Variants in PRKG1 observed in about 807,000 individuals in gnomAD.
PRKG1 encodes cGMP-dependent protein kinase 1.
Under a neutral mutation model 88.1 loss-of-function variants are expected in PRKG1, and 35 were observed. The observed-to-expected ratio is 0.40, with a 90% confidence interval of 0.30 to 0.53. The LOEUF (loss-of-function observed/expected upper bound fraction) is 0.53. Ranked by LOEUF, PRKG1 falls within the 20% of genes least tolerant of loss-of-function variation. The probability of loss-of-function intolerance (pLI) is 0.59; values close to 1 mark genes in which losing one functional copy is unlikely to be tolerated. For synonymous variants in PRKG1, 303 were observed against 292.5 expected, an observed-to-expected ratio of 1.04 and a Z score of -0.37; for missense variants, 540 against 839.8, an observed-to-expected ratio of 0.64 and a Z score of 4.41.
chr10:51,770,558 A>T (rs1838278252), intron 3 of PRKG1, among the ~76,000 whole-genome samples: 1 of 152,174 alleles, frequency 6.6e-6, no homozygotes, highest in Admixed American at 6.5e-5. Flanking sequence ...TGCACAGAGG[A>T]GGTGAGGGGG....
upstream of PRKG1, chr10:51,074,473 T>C: frequency 6.8e-7 from 1 of 1,472,520 alleles, no homozygotes; most frequent in Non-Finnish European, 9.0e-7. Flanking sequence ...TGGTCTCAAG[T>C]AGGAAGCTTT....
chr10:51,229,199 T>A lies in PRKG1; in HGVS notation c.478+75869T>A, dbSNP rs1187495202. On this transcript the variant is annotated intron_variant, in intron 2 of 17. Transcript: ENST00000373980. The stretch of plus-strand genomic sequence containing the variant: ...TCTCCTCCACTAAAATGTAGAAACC[T>A]GTCAATTTTGTTCAGCAAGGGTCTC... Among the ~76,000 whole-genome samples, 4 of 152,186 alleles carry A rather than the reference T, an allele frequency of 2.6e-5. No individual in the cohort carries two copies. In the East Asian group the frequency reaches 7.7e-4, roughly 29 times the overall value.
rs142748577 is a variant in PRKG1, at chr10:51,786,116, T to A, written c.593-18469T>A. On this transcript the variant is annotated intron_variant, in intron 3 of 17. Transcript: ENST00000373980. ...AGAGTCAATTGTTAGAGATGTGAAGTATCAGAATGGAATAAACAGTATCAA... is the reference window on the plus strand; with the variant it reads ...AGAGTCAATTGTTAGAGATGTGAAGAATCAGAATGGAATAAACAGTATCAA... Among the ~76,000 whole-genome samples, 5 of 152,268 alleles carry A rather than the reference T, an allele frequency of 3.3e-5. 1 individual carries two copies. In the East Asian group the frequency reaches 5.8e-4, roughly 18 times the overall value.
rs570799469 is a variant in PRKG1 at position 52,117,577 on chromosome 10, C to G, written c.936-16263C>G. On this transcript the variant is annotated intron_variant, in intron 7 of 17. Transcript: ENST00000373980. ...TTCAGAAAGAGTAAGACCTCAGCAG[C>G]CTCTCTACTCGGAAATTACTTGTGA... Among the ~76,000 whole-genome samples the G allele has an allele frequency of 1.2e-4, 19 of 152,072 alleles. No homozygotes were observed. The South Asian group carries it at 3.7e-3, about 30-fold the overall frequency.
intron 3 of PRKG1, among the ~76,000 whole-genome samples, chr10:51,529,917 T>C (rs1362648416): frequency 6.6e-6 from 1 of 152,232 alleles, no homozygotes; most frequent in Non-Finnish European, 1.5e-5. Context: ...CAAGTCTTTA[T>C]TGATTTAATT....
At chr10:51,807,397 A>G (rs1321806315) in intron 4 of PRKG1, among the ~76,000 whole-genome samples, 2 of 152,200 alleles carry the variant, frequency 1.3e-5, no homozygotes, top group Non-Finnish European at 2.9e-5. Flanking sequence ...TTTCCTCTCC[A>G]TTGTAAGGGT....
chr10:51,559,606 A>G (rs749613618), intron 3 of PRKG1, among the ~76,000 whole-genome samples: 38 of 152,168 alleles, frequency 2.5e-4, no homozygotes, highest in Non-Finnish European at 4.3e-4. Context: ...TTTATGGAAC[A>G]AACACTTTTT....
chr10:51,919,053 A>G (rs1842405468), intron 5 of PRKG1, among the ~76,000 whole-genome samples: 1 of 152,162 alleles, frequency 6.6e-6, no homozygotes, highest in South Asian at 2.1e-4. Flanking sequence ...GAGAGTTATC[A>G]AACAACGTGG....
rs114851328 is a variant in PRKG1 at position 52,127,287 on chromosome 10, G to A, written c.936-6553G>A. On this transcript the variant is annotated intron_variant, in intron 7 of 17. Transcript: ENST00000373980. Reference sequence around the variant, plus strand: ...GGAACCCAAGGAAAACAGTGGTTTTGAGGTTAGGAGAAAATGAGTTAGGTT... The same window carrying A: ...GGAACCCAAGGAAAACAGTGGTTTTAAGGTTAGGAGAAAATGAGTTAGGTT... 2.1e-3 allele frequency among the ~76,000 whole-genome samples: 325 copies of A among 152,308 alleles called. 1 individual carries two copies. The highest frequency in any genetic ancestry group is 7.3e-3 in the African/African-American group (304 of 41,568).
chr10:52,068,135 G>A (rs1166063456), intron 7 of PRKG1, among the ~76,000 whole-genome samples: 3 of 103,860 alleles, frequency 2.9e-5, no homozygotes, highest in African/African-American at 5.5e-5. Flanking sequence ...CCCGGGAGGC[G>A]GAGCTTGCAG....
intron 9 of PRKG1, among the ~76,000 whole-genome samples, chr10:52,211,049 TA>T (rs2132801576): frequency 6.6e-6 from 1 of 152,352 alleles, no homozygotes; most frequent in South Asian, 2.1e-4. Flanking sequence ...GCTACTATAC[TA>T]AGCAATGAAA....
intron 2 of PRKG1, 80 bp from the exon 3 acceptor site, chr10:51,467,643 A>G (rs933632614): frequency 1.2e-5 from 13 of 1,123,222 alleles, no homozygotes; most frequent in Admixed American, 3.8e-5. Flanking sequence ...TGAGCCTAAC[A>G]CTCCTCTTCA....
intron 7 of PRKG1, among the ~76,000 whole-genome samples, chr10:52,095,370 A>G (rs368210784): frequency 2.6e-5 from 4 of 152,168 alleles, no homozygotes; most frequent in African/African-American, 9.6e-5. Context: ...CTTATCCCTA[A>G]TTATTTTATC....
At chr10:52,056,016 A>T (rs1388306431) in intron 6 of PRKG1, among the ~76,000 whole-genome samples, 2 of 152,194 alleles carry the variant, frequency 1.3e-5, no homozygotes, top group Non-Finnish European at 1.5e-5. Flanking sequence ...AACAATATTT[A>T]TATTTTTATT....
chr10:51,052,138 T>C (rs1843569993), intron 1 of PRKG1, among the ~76,000 whole-genome samples: 1 of 152,226 alleles, frequency 6.6e-6, no homozygotes, highest in Non-Finnish European at 1.5e-5. Context: ...ATTTTATTGT[T>C]TCTCAAAAAT....
At chr10:52,240,988 C>T (rs916014855) in intron 9 of PRKG1, among the ~76,000 whole-genome samples, 74 of 152,270 alleles carry the variant, frequency 4.9e-4, no homozygotes, top group African/African-American at 1.7e-3. Context: ...TTTTAAAATA[C>T]TGATGCCTAG....
At chr10:51,317,236 C>T (rs1236645157) in intron 2 of PRKG1, among the ~76,000 whole-genome samples, 5 of 151,910 alleles carry the variant, frequency 3.3e-5, no homozygotes, top group Admixed American at 2.0e-4. Context: ...ACATGGTTTA[C>T]GTGTTTAGTT....
intron 5 of PRKG1, among the ~76,000 whole-genome samples, chr10:51,950,749 C>G (rs1179161413): frequency 1.3e-5 from 2 of 152,278 alleles, no homozygotes; most frequent in African/African-American, 4.8e-5. Context: ...CATGGAGCAG[C>G]TGCCCTTCAC....
chr10:50,995,026 G>A (rs1842824117), intron 1 of PRKG1, among the ~76,000 whole-genome samples: 1 of 152,052 alleles, frequency 6.6e-6, no homozygotes, highest in African/African-American at 2.4e-5. Context: ...TGTGGATTTT[G>A]GTATCCTCGG....
Sources: gnomAD v4.1 joint callset for allele counts (sites outside exome capture counted in the v4.1 genomes callset) on GRCh38, gnomAD v4.1.1 for gene constraint, MANE v1.5 for transcripts, NCBI Gene and HGNC (gene_info 2026-07-23, HGNC 2026-07-21) for gene names.